The following STPG2 variants were observed in gnomAD, a reference collection of about 807,000 sequenced individuals.
STPG2 encodes the protein sperm-tail PG-rich repeat-containing protein 2.
In STPG2, 56 loss-of-function variants were observed where a neutral mutation model predicts 54.2. The ratio of observed to expected loss-of-function variants is 1.03; its 90% CI spans 0.83 to 1.29. The LOEUF is 1.29. STPG2 is among the 50% of genes most tolerant of loss of function. STPG2 has a pLI of 0.00. For missense variants in STPG2, 596 were observed against 544.9 expected (o/e 1.09, Z -0.93); for synonymous variants, 200 against 181.8 (o/e 1.10, Z -0.81).
chr4:97,962,494 A>G (rs895462406), intron 7 of STPG2, among the ~76,000 whole-genome samples: 1 of 152,244 alleles, frequency 6.6e-6, no homozygotes, highest in Non-Finnish European at 1.5e-5. Flanking sequence ...AAGGTTTACC[A>G]GACTGAATTT....
chr4:97,531,721 T>G (rs1237599042), intron 4 of STPG2, among the ~76,000 whole-genome samples: 4 of 151,968 alleles, frequency 2.6e-5, no homozygotes, highest in Non-Finnish European at 4.4e-5. Flanking sequence ...GGAAGGGTAA[T>G]GGGGGGATTG....
chr4:97,763,716 G>A (rs1258603643), intron 9 of STPG2, among the ~76,000 whole-genome samples: 1 of 152,026 alleles, frequency 6.6e-6, no homozygotes, highest in Non-Finnish European at 1.5e-5. Flanking sequence ...GCCCATGGAG[G>A]GAAACTATGA....
intron 4 of STPG2, among the ~76,000 whole-genome samples, chr4:98,108,335 A>T (rs188229475): frequency 2.0e-3 from 302 of 152,268 alleles, no homozygotes; most frequent in African/African-American, 7.1e-3. Flanking sequence ...CTGGACCCTT[A>T]AAAAATTAAT....
At chr4:97,655,415 T>C (rs1950536349) in intron 10 of STPG2, among the ~76,000 whole-genome samples, 1 of 152,108 alleles carries the variant, frequency 6.6e-6, no homozygotes, top group Non-Finnish European at 1.5e-5. Context: ...TAGATAACAC[T>C]AAAATTAAGT....
At chr4:98,020,530 G>C (rs527960241) in intron 5 of STPG2, among the ~76,000 whole-genome samples, 4 of 152,030 alleles carry the variant, frequency 2.6e-5, no homozygotes, top group African/African-American at 4.8e-5. Flanking sequence ...ATACTGGCCT[G>C]ATAAAATGAG....
intron 4 of STPG2, among the ~76,000 whole-genome samples, chr4:97,553,619 A>G (rs17026790): frequency 0.15 from 23,139 of 152,204 alleles, 5,168 homozygotes; most frequent in African/African-American, 0.49. Context: ...AGAGGACTGG[A>G]TGCCACCTAA....
chr4:97,550,399 A>G (rs1731938138), intron 4 of STPG2, among the ~76,000 whole-genome samples: 1 of 152,160 alleles, frequency 6.6e-6, no homozygotes, highest in Admixed American at 6.6e-5. Flanking sequence ...TATTTAGAGT[A>G]ATACATTATA....
At chr4:98,021,839 C>T (rs1736212302) in intron 5 of STPG2, among the ~76,000 whole-genome samples, 5 of 151,936 alleles carry the variant, frequency 3.3e-5, no homozygotes, top group South Asian at 2.1e-4. Flanking sequence ...AGGATTGCAA[C>T]CCCTGCCTTT....
At chr4:97,742,228 G>A (rs1346355796) in intron 9 of STPG2, among the ~76,000 whole-genome samples, 1 of 151,858 alleles carries the variant, frequency 6.6e-6, no homozygotes, top group African/African-American at 2.4e-5. Flanking sequence ...GTTGGGGGAG[G>A]AAGGAGGGAT....
intron 10 of STPG2, among the ~76,000 whole-genome samples, chr4:97,595,989 G>T (rs184655496): frequency 6.6e-6 from 1 of 152,176 alleles, no homozygotes; most frequent in Non-Finnish European, 1.5e-5. Context: ...CAATAAAGAA[G>T]CAAAAACCAA....
chr4:97,952,908 A>C (rs950278073), intron 7 of STPG2, among the ~76,000 whole-genome samples: 1 of 152,128 alleles, frequency 6.6e-6, no homozygotes, highest in Non-Finnish European at 1.5e-5. Context: ...ACTGTAATGC[A>C]TTGTGTCAGT....
intron 8 of STPG2, among the ~76,000 whole-genome samples, chr4:97,931,705 G>A (rs1047207194): frequency 6.6e-6 from 1 of 151,788 alleles, no homozygotes; most frequent in Non-Finnish European, 1.5e-5. Context: ...ATCTTTTTGT[G>A]TGTGTGTGTG....
At chr4:98,125,247 A>G (rs1411328247) in intron 3 of STPG2, among the ~76,000 whole-genome samples, 3 of 152,212 alleles carry the variant, frequency 2.0e-5, no homozygotes, top group Non-Finnish European at 2.9e-5. Flanking sequence ...TTGGAGGAGA[A>G]AAGGCATGGT....
At chr4:98,013,370 C>T (rs1037226878) in intron 5 of STPG2, among the ~76,000 whole-genome samples, 5 of 152,028 alleles carry the variant, frequency 3.3e-5, no homozygotes, top group Admixed American at 6.6e-5. Flanking sequence ...TGAGGGTTTT[C>T]GCATGAATGT....
At chr4:97,893,175 G>C (rs1730835296) in intron 8 of STPG2, 2 of 151,932 alleles carry the variant, frequency 1.3e-5, no homozygotes, top group African/African-American at 4.8e-5. Context: ...TATATCCTAA[G>C]TGCTATACGG....
At chr4:97,666,010 C>A (rs1029336162) in intron 10 of STPG2, among the ~76,000 whole-genome samples, 1 of 152,058 alleles carries the variant, frequency 6.6e-6, no homozygotes, top group Non-Finnish European at 1.5e-5. Flanking sequence ...TTCCTGGGCT[C>A]CCAAGAGTGC....
intron 8 of STPG2, among the ~76,000 whole-genome samples, chr4:97,925,269 A>G (rs1732289863): frequency 6.6e-6 from 1 of 152,220 alleles, no homozygotes; most frequent in South Asian, 2.1e-4. Context: ...CATCATGTTC[A>G]GCAGTTTCCT....
At chr4:97,821,379 C>T (rs907369680) in intron 9 of STPG2, among the ~76,000 whole-genome samples, 1 of 152,192 alleles carries the variant, frequency 6.6e-6, no homozygotes, top group Non-Finnish European at 1.5e-5. Flanking sequence ...CAGGATACAG[C>T]CCCTGCAACT....
chr4:97,889,035 A>G (rs759573382), intron 8 of STPG2, among the ~76,000 whole-genome samples: 1 of 152,166 alleles, frequency 6.6e-6, no homozygotes, highest in South Asian at 2.1e-4. Context: ...AGAAGCTAGC[A>G]TCATGCTTCC....
Sources: gnomAD v4.1 joint callset for allele counts (sites outside exome capture counted in the v4.1 genomes callset) on GRCh38, gnomAD v4.1.1 for gene constraint, MANE v1.5 for transcripts, NCBI Gene and HGNC (gene_info 2026-07-23, HGNC 2026-07-21) for gene names.